Variants in CNBD1 observed in about 807,000 individuals in gnomAD.
CNBD1 encodes the protein cyclic nucleotide binding domain containing 1.
CNBD1 carries 71 observed loss-of-function variants against 54.4 expected under a neutral mutation model. The ratio of observed to expected loss-of-function variants is 1.30; its 90% CI spans 1.08 to 1.59. CNBD1 has a LOEUF of 1.59. Among genes scored for constraint, CNBD1 ranks in the 40% most tolerant of loss-of-function variants. The probability of loss-of-function intolerance (pLI) is 0.00; values close to 1 mark genes in which losing one functional copy is unlikely to be tolerated. For missense variants in CNBD1, 659 were observed against 518.0 expected (o/e 1.27, Z -2.64); for synonymous variants, 182 against 170.7 (o/e 1.07, Z -0.51).
chr8:87,348,993 C>T (rs962318909), intron 8 of CNBD1, among the ~76,000 whole-genome samples: 1 of 152,006 alleles, frequency 6.6e-6, no homozygotes, highest in Non-Finnish European at 1.5e-5. Flanking sequence ...TCAGGTCTTC[C>T]GAGTCTGAGT....
In CNBD1 at chr8:87,410,940, A is replaced by G. The variant is rs919613791; in HGVS notation, c.214-17606A>G. Among the ~76,000 whole-genome samples the G allele has an allele frequency of 4.0e-5, 6 of 150,422 alleles. No individual in the cohort carries two copies. In the East Asian group the frequency reaches 1.2e-3, roughly 29 times the overall value. ...GGATGATTGTTAGCATTTTTTTAGC[A>G]AGAAAGTATTTTTTAATTGGTGTAT... On this transcript the variant is annotated intron_variant, in intron 2 of 7. Coordinates refer to the CNBD1 transcript ENST00000521593.
intron 8 of CNBD1, among the ~76,000 whole-genome samples, chr8:87,303,269 G>C (rs1222241785): frequency 6.6e-6 from 1 of 151,714 alleles, no homozygotes; most frequent in African/African-American, 2.4e-5. Flanking sequence ...AAACAGCATG[G>C]TACTGGTACC....
intron 4 of CNBD1, among the ~76,000 whole-genome samples, chr8:86,988,631 TTCTA>T (rs1189624466): frequency 1.3e-5 from 2 of 152,158 alleles, no homozygotes; most frequent in Non-Finnish European, 2.9e-5. Context: ...ATTTTATTCA[TTCTA>T]TCTAACTATA....
intron 4 of CNBD1, among the ~76,000 whole-genome samples, chr8:87,136,355 C>A (rs559931647): frequency 1.6e-4 from 24 of 150,408 alleles, no homozygotes; most frequent in African/African-American, 5.6e-4. Context: ...TTGAATAACA[C>A]ATGTAATTAC....
At chr8:87,346,565 C>T (rs530053660) in intron 8 of CNBD1, among the ~76,000 whole-genome samples, 6 of 151,750 alleles carry the variant, frequency 4.0e-5, no homozygotes, top group Admixed American at 3.3e-4. Flanking sequence ...ATTCGCTACA[C>T]ATAGAAAGTA....
At chr8:87,115,151 T>C (rs1015698859) in intron 4 of CNBD1, among the ~76,000 whole-genome samples, 9 of 152,210 alleles carry the variant, frequency 5.9e-5, no homozygotes, top group African/African-American at 2.2e-4. Flanking sequence ...TAGATGGAGA[T>C]AGAAACTGAA....
chr8:87,268,721 T>C (rs951222976), intron 6 of CNBD1, among the ~76,000 whole-genome samples: 1 of 152,130 alleles, frequency 6.6e-6, no homozygotes, highest in South Asian at 2.1e-4. Context: ...TGGTCACATG[T>C]ATGTCTTCTT....
At chr8:86,871,590 A>G (rs1808444401) in intron 1 of CNBD1, among the ~76,000 whole-genome samples, 1 of 152,190 alleles carries the variant, frequency 6.6e-6, no homozygotes, top group Non-Finnish European at 1.5e-5. Context: ...TCATTCTTCC[A>G]TCTATGTAAC....
At chr8:87,295,267 G>C (rs1437455061) in intron 8 of CNBD1, among the ~76,000 whole-genome samples, 2 of 151,648 alleles carry the variant, frequency 1.3e-5, no homozygotes, top group Non-Finnish European at 2.9e-5. Context: ...TTTTGACTTT[G>C]ACAAAGATAT....
chr8:87,227,211 C>A (rs1185127207), intron 5 of CNBD1, among the ~76,000 whole-genome samples: 1 of 151,898 alleles, frequency 6.6e-6, no homozygotes, highest in Non-Finnish European at 1.5e-5. Context: ...CAGTCTGTGT[C>A]TTTTAATTGG....
At chr8:87,164,002 T>C (rs1812910798) in intron 4 of CNBD1, among the ~76,000 whole-genome samples, 1 of 151,920 alleles carries the variant, frequency 6.6e-6, no homozygotes, top group Admixed American at 6.6e-5. Flanking sequence ...TTTCTATTTT[T>C]GAAAGAATGC....
At chr8:87,402,322 CCAGAAGGTTTT>C (rs1347604709) in intron 2 of CNBD1, among the ~76,000 whole-genome samples, 1 of 151,912 alleles carries the variant, frequency 6.6e-6, no homozygotes, top group African/African-American at 2.4e-5. Context: ...TCAAACAATA[CCAGAAGGTTTT>C]CACGAGCATT....
intron 6 of CNBD1, among the ~76,000 whole-genome samples, chr8:87,267,953 A>T (rs552659117): frequency 6.6e-6 from 1 of 152,258 alleles, no homozygotes; most frequent in South Asian, 2.1e-4. Context: ...GTTTAGTAGT[A>T]TTCTGTTTGC....
At chr8:87,337,670 C>T (rs545495595) in intron 8 of CNBD1, among the ~76,000 whole-genome samples, 1 of 152,318 alleles carries the variant, frequency 6.6e-6, no homozygotes, top group East Asian at 1.9e-4. Flanking sequence ...GTTTTCCAGG[C>T]TGGGCAGCAC....
At chr8:87,241,508 G>T (rs1378429283) in intron 6 of CNBD1, among the ~76,000 whole-genome samples, 4 of 151,838 alleles carry the variant, frequency 2.6e-5, no homozygotes, top group Non-Finnish European at 4.4e-5. Context: ...TCCTGACCTC[G>T]TGATCCACCC....
chr8:86,907,676 C>CA (rs1202335421), intron 3 of CNBD1, among the ~76,000 whole-genome samples: 1 of 149,360 alleles, frequency 6.7e-6, no homozygotes, highest in Non-Finnish European at 1.5e-5. Flanking sequence ...AAAAAAAAAA[C>CA]AAAAACAAAA....
chr8:87,252,871 T>C (rs1186942597), intron 6 of CNBD1, among the ~76,000 whole-genome samples: 2 of 152,014 alleles, frequency 1.3e-5, no homozygotes, highest in African/African-American at 4.8e-5. Context: ...CTACTGAGAA[T>C]GGGGAGCTTG....
At chr8:87,329,802 T>C (rs1196994481) in intron 8 of CNBD1, among the ~76,000 whole-genome samples, 1 of 151,994 alleles carries the variant, frequency 6.6e-6, no homozygotes, top group Non-Finnish European at 1.5e-5. Flanking sequence ...TTTTTCTCTA[T>C]TCTTTTAGAT....
intron 4 of CNBD1, among the ~76,000 whole-genome samples, chr8:87,131,308 A>G (rs1235590315): frequency 6.6e-6 from 1 of 151,952 alleles, no homozygotes; most frequent in African/African-American, 2.4e-5. Flanking sequence ...AAAATATTTT[A>G]CTCTAATTTA....
Sources: gnomAD v4.1 joint callset for allele counts (sites outside exome capture counted in the v4.1 genomes callset) on GRCh38, gnomAD v4.1.1 for gene constraint, MANE v1.5 for transcripts, NCBI Gene and HGNC (gene_info 2026-07-23, HGNC 2026-07-21) for gene names.